ORC3: variants seen among roughly 807,000 people sequenced by gnomAD.
The protein encoded by ORC3 is origin recognition complex subunit 3, also known as homolog of latheo, Drosophila.
A neutral mutation model predicts 100.7 loss-of-function variants in ORC3; 78 were observed. That is an observed-to-expected ratio of 0.77 (90% CI 0.65 to 0.94). The LOEUF (loss-of-function observed/expected upper bound fraction) is 0.94. ORC3 is among the 40% of genes least tolerant of loss of function. The pLI, the probability that ORC3 is intolerant of heterozygous loss-of-function variation, is 0.00. For missense variants in ORC3, 789 were observed against 823.9 expected, an observed-to-expected ratio of 0.96 and a Z score of 0.52; for synonymous variants, 295 against 289.3, an observed-to-expected ratio of 1.02 and a Z score of -0.20.
intron 2 of ORC3, among the ~76,000 whole-genome samples, chr6:87,601,545 C>A (rs1309076960): frequency 6.6e-6 from 1 of 152,010 alleles, no homozygotes; most frequent in Non-Finnish European, 1.5e-5. Flanking sequence ...TGGCACGTGC[C>A]TGTAGTCACA....
At chr6:87,641,016 GGA>G (rs1452148804) in intron 13 of ORC3, among the ~76,000 whole-genome samples, 1 of 152,118 alleles carries the variant, frequency 6.6e-6, no homozygotes, top group African/African-American at 2.4e-5. Flanking sequence ...GGCTGAGGCA[GGA>G]GAATCACTTG....
At chr6:87,604,609 A>G (rs1045590481) in intron 4 of ORC3, among the ~76,000 whole-genome samples, 2 of 152,208 alleles carry the variant, frequency 1.3e-5, no homozygotes, top group Admixed American at 6.6e-5. Context: ...CTTGTTTGTG[A>G]TAGACAAGTT....
In ORC3 at chr6:87,617,464, G is replaced by A. The variant is rs368968860; in HGVS notation, c.987+1037G>A. Among the ~76,000 whole-genome samples the A allele has an allele frequency of 6.6e-5, 10 of 152,168 alleles. No individual in the cohort carries two copies. In the East Asian group the frequency reaches 1.9e-3, roughly 29 times the overall value. ...AAACCTATGTATTATGCCAGGCACG[G>A]TGGCTCATGCGTATAATCCCAGCAT... is the stretch of plus-strand genomic sequence containing the variant. On this transcript the variant is annotated intron_variant, in intron 9 of 19. Coordinates refer to ENST00000392844, the MANE Select transcript of ORC3 (RefSeq NM_012381.4).
chr6:87,671,589 G>T (rs945968314), downstream of ORC3, among the ~76,000 whole-genome samples: 3 of 152,050 alleles, frequency 2.0e-5, no homozygotes, highest in South Asian at 6.2e-4. Context: ...AAGCTCGGGG[G>T]CACACCTATG....
intron 14 of ORC3, among the ~76,000 whole-genome samples, chr6:87,655,857 T>C (rs1023085024): frequency 9.2e-5 from 14 of 152,190 alleles, no homozygotes; most frequent in African/African-American, 3.4e-4. Flanking sequence ...GCAAACTACA[T>C]GTTAATGACA....
intron 13 of ORC3, among the ~76,000 whole-genome samples, chr6:87,639,657 G>A (rs7765243): frequency 6.6e-6 from 1 of 151,854 alleles, no homozygotes; most frequent in Non-Finnish European, 1.5e-5. Context: ...TTATCTCTTG[G>A]CTTTGTGTTT....
chr6:87,645,817 CTCTT>C (rs1206990376), intron 13 of ORC3, among the ~76,000 whole-genome samples: 1 of 152,022 alleles, frequency 6.6e-6, no homozygotes, highest in Non-Finnish European at 1.5e-5. Context: ...CTTAATGATT[CTCTT>C]TCTTAGTTAA....
In ORC3 at chr6:87,664,792, A is replaced by G; in HGVS notation, c.1883A>G (p.Asp628Gly). 6.2e-7 allele frequency: 1 copy of G among 1,614,182 alleles called. No individual in the cohort carries two copies. The highest frequency in any genetic ancestry group is 8.5e-7 in the Non-Finnish European group (1 of 1,180,008). ...GGCTGCATTCCGAATATCGCCCCAG[A>G]CATCTGCATAGCATACAAACTGCAC... ...EEGCIPNIAP[D>G]ICIAYKLHLE... is the part of the protein sequence containing the mutation. The change falls in exon 18 of 20, where the codon GAC becomes GGC. Residue 628 changes from aspartate (D) to glycine (G), a missense_variant. Physicochemically the swap from Asp to Gly is moderately conservative, Grantham distance 94 (BLOSUM62 -1). Around this residue, in one of 3 missense-constraint regions of ORC3, gnomAD observed 366 missense variants for 394.2 expected, o/e 0.93. Coordinates refer to ENST00000392844, the MANE Select transcript of ORC3 (RefSeq NM_012381.4).
At chr6:87,608,211 C>T (rs1303360304) in intron 6 of ORC3, among the ~76,000 whole-genome samples, 1 of 152,126 alleles carries the variant, frequency 6.6e-6, no homozygotes. Context: ...TGCTAGTATC[C>T]ACTGTCAACT....
the ORC3 span, chr6:87,675,461 A>G: frequency 4.9e-6 from 6 of 1,231,092 alleles, no homozygotes; most frequent in South Asian, 1.3e-5. Context: ...GCTGCCTAAG[A>G]GTGGTTGCCA....
chr6:87,669,145 G>A (rs928934482), downstream of ORC3, among the ~76,000 whole-genome samples: 1 of 152,152 alleles, frequency 6.6e-6, no homozygotes, highest in African/African-American at 2.4e-5. Flanking sequence ...CAGAAAGAGT[G>A]AAACTCCGTC....
chr6:87,675,489 T>C, the ORC3 span: 8 of 1,488,034 alleles, frequency 5.4e-6, no homozygotes, highest in Admixed American at 1.7e-5. Flanking sequence ...AAGCTTGAAA[T>C]AACCTGTATT....
chr6:87,623,029 T>A (rs544468264), intron 11 of ORC3, among the ~76,000 whole-genome samples: 1 of 152,254 alleles, frequency 6.6e-6, no homozygotes, highest in South Asian at 2.1e-4. Context: ...TAAAGATGAG[T>A]TTTGGTAATA....
At position 87,614,948 on chromosome 6, in the gene ORC3, T is replaced by C. The variant is rs535110777; in HGVS notation, c.874-1366T>C. On this transcript the variant is annotated intron_variant, in intron 8 of 19. Coordinates refer to ENST00000392844, the MANE Select transcript of ORC3 (RefSeq NM_012381.4). ...ATCCAGTTCCAAAGTCACTTCCACA[T>C]TTTTGGGTATCTTTTCAGCAGTGCC... is the stretch of plus-strand genomic sequence containing the variant. Among the ~76,000 whole-genome samples the C allele has an allele frequency of 2.6e-5, 4 of 152,324 alleles. No homozygotes were observed. In the East Asian group the frequency reaches 7.7e-4, roughly 29 times the overall value.
chr6:87,654,164 T>C (rs1329730720), intron 14 of ORC3, among the ~76,000 whole-genome samples: 1 of 152,230 alleles, frequency 6.6e-6, no homozygotes, highest in Non-Finnish European at 1.5e-5. Context: ...AATCCTTTTT[T>C]ATGTTTGGCA....
At chr6:87,602,432 T>C (rs1168718538) in intron 3 of ORC3, among the ~76,000 whole-genome samples, 1 of 152,120 alleles carries the variant, frequency 6.6e-6, no homozygotes, top group African/African-American at 2.4e-5. Flanking sequence ...CTATAGCAAA[T>C]TGGTAGCTCT....
At chr6:87,606,406 T>C (rs1407894201) in intron 5 of ORC3, among the ~76,000 whole-genome samples, 2 of 152,154 alleles carry the variant, frequency 1.3e-5, no homozygotes, top group East Asian at 1.9e-4. Context: ...GTTTCAGCCA[T>C]AAATCATCTT....
chr6:87,599,460 C>G (rs1337227754), intron 2 of ORC3, among the ~76,000 whole-genome samples: 1 of 151,950 alleles, frequency 6.6e-6, no homozygotes, highest in African/African-American at 2.4e-5. Flanking sequence ...CTCTGCCTCC[C>G]AGGTTCAGGT....
At chr6:87,676,235 C>G in the ORC3 span, among the ~76,000 whole-genome samples, 1 of 151,562 alleles carries the variant, frequency 6.6e-6, no homozygotes, top group Non-Finnish European at 1.5e-5. Flanking sequence ...GAGGCCGAGG[C>G]GGGCGGATCA....
Sources: gnomAD v4.1 joint callset for allele counts (sites outside exome capture counted in the v4.1 genomes callset) on GRCh38, gnomAD v4.1.1 for gene constraint, gnomAD v4.1.1 regional missense constraint, MANE v1.5 for transcripts, NCBI Gene and HGNC (gene_info 2026-07-23, HGNC 2026-07-21) for gene names.